The following REV3L variants were observed in gnomAD, a reference collection of about 807,000 sequenced individuals.
REV3L encodes the protein DNA polymerase zeta catalytic subunit.
REV3L carries 69 observed loss-of-function variants against 299.4 expected under a neutral mutation model. The observed-to-expected ratio is 0.23, with a 90% CI of 0.19 to 0.28. The LOEUF (loss-of-function observed/expected upper bound fraction) is 0.28, where lower values mean the gene tolerates loss of function less well. REV3L is among the 10% of genes least tolerant of loss of function. REV3L has a pLI of 1.00. For synonymous variants in REV3L, 1,238 were observed against 1,271.4 expected, an observed-to-expected ratio of 0.97 and a Z score of 0.56; for missense variants, 3,128 against 3,693.8, an observed-to-expected ratio of 0.85 and a Z score of 3.97.
In REV3L at chr6:111,457,877, A is replaced by G. The variant is rs116433013; in HGVS notation, c.139+24873T>C. ...TCAGAGAAGACCAAACAAACCAACA[A>G]AAGAAAACAGACACATCACATTCAA... is the stretch of plus-strand genomic sequence containing the variant. On this transcript the variant is annotated intron_variant, in intron 1 of 31. Coordinates refer to ENST00000368802, the MANE Select transcript of REV3L (RefSeq NM_001372078.1). Among the ~76,000 whole-genome samples, 1,105 of 152,140 alleles carry G rather than the reference A, an allele frequency of 7.3e-3. 9 individuals are homozygous for G. Among genetic ancestry groups the G allele is most frequent in the African/African-American group, 0.024 (998 of 41,544 alleles).
intron 16 of REV3L, chr6:111,361,397 A>G (rs1778642842): frequency 7.2e-6 from 1 of 138,422 alleles, no homozygotes; most frequent in Non-Finnish European, 1.6e-5. Context: ...CAAAACAAAA[A>G]AAAACAAAAA....
intron 21 of REV3L, among the ~76,000 whole-genome samples, chr6:111,343,380 G>T (rs1014255129): frequency 6.6e-6 from 1 of 152,100 alleles, no homozygotes; most frequent in Non-Finnish European, 1.5e-5. Context: ...AATCCAATTA[G>T]TAATTATCTA....
At position 111,372,648 on chromosome 6, in the gene REV3L, T is replaced by C. The variant is rs1186209848; in HGVS notation, c.5707A>G (p.Ile1903Val). The C allele has an allele frequency of 6.6e-7, 1 of 1,521,772 alleles. No homozygotes were observed. Among genetic ancestry groups the C allele is most frequent in the African/African-American group, 1.4e-5 (1 of 71,864 alleles). The allele number at this position is 1,521,772 out of a possible 1,614,324, so 94.3% of individuals were successfully genotyped here. ...TTACTGCAAAATGGTTCCTGGTAAA[T>C]AGTCTCAGACAGGTCATGATCCAAC... ...TLLDHDLSET[I>V]YQEPFCSNPS... The change falls in exon 13 of 32, where the codon ATT becomes GTT. Residue 1903 changes from isoleucine to valine, a missense_variant. Around this residue, in one of 9 missense-constraint regions of REV3L, gnomAD observed 2,409 missense variants for 2,611.8 expected, o/e 0.92. Coordinates refer to ENST00000368802, the MANE Select transcript of REV3L (RefSeq NM_001372078.1).
At chr6:111,452,884 T>C (rs571244968) in intron 1 of REV3L, among the ~76,000 whole-genome samples, 32 of 152,118 alleles carry the variant, frequency 2.1e-4, no homozygotes, top group Non-Finnish European at 4.1e-4. Flanking sequence ...TATCAACACC[T>C]GACAGAAAAT....
In REV3L at chr6:111,359,982, C is replaced by T. The variant is rs1778483653; in HGVS notation, c.6880-968G>A. Among the ~76,000 whole-genome samples, 8 of 152,176 alleles carry T rather than the reference C, an allele frequency of 5.3e-5. No homozygotes were observed. The South Asian group carries it at 1.7e-3, about 32-fold the overall frequency. ...ATTAAAATCCATTGATGTGGCAATCCTACTCCTGAAAATTTATCCTAGAGA... is the reference window on the plus strand; with the variant it reads ...ATTAAAATCCATTGATGTGGCAATCTTACTCCTGAAAATTTATCCTAGAGA... On this transcript the variant is annotated intron_variant, in intron 16 of 31. Transcript: ENST00000368802.
At chr6:111,392,416 C>A (rs1484499514) in intron 5 of REV3L, among the ~76,000 whole-genome samples, 1 of 152,020 alleles carries the variant, frequency 6.6e-6, no homozygotes, top group African/African-American at 2.4e-5. Flanking sequence ...AAAATCTAAT[C>A]AATAATGAAA....
At chr6:111,422,712 T>C (rs1785716405) in intron 1 of REV3L, among the ~76,000 whole-genome samples, 1 of 134,554 alleles carries the variant, frequency 7.4e-6, no homozygotes, top group Non-Finnish European at 1.6e-5. Context: ...TTCCCCCCAC[T>C]AAATATACAA....
chr6:111,391,284 T>A (rs909748299), intron 5 of REV3L, among the ~76,000 whole-genome samples: 1 of 152,144 alleles, frequency 6.6e-6, no homozygotes, highest in African/African-American at 2.4e-5. Flanking sequence ...CAGGCTGGTC[T>A]TGAACTCCTG....
chr6:111,321,542 TTGA>T (rs1436313786), intron 26 of REV3L, among the ~76,000 whole-genome samples: 1 of 152,198 alleles, frequency 6.6e-6, no homozygotes, highest in Non-Finnish European at 1.5e-5. Context: ...GAAGTGGCTT[TTGA>T]TGAGCAACAG....
chr6:111,321,124 G>A lies in REV3L; in HGVS notation c.8351+1445C>T, dbSNP rs987778029. On this transcript the variant is annotated intron_variant, in intron 26 of 31. Transcript: ENST00000368802. ...ATTTATGGCTCTTTACTGACTAGTTGCAAGATCTTAAATTTCTTATCCTAG... is the reference window on the plus strand; with the variant it reads ...ATTTATGGCTCTTTACTGACTAGTTACAAGATCTTAAATTTCTTATCCTAG... 2.8e-5 allele frequency among the ~76,000 whole-genome samples: 4 copies of A among 142,018 alleles called. No individual in the cohort carries two copies. The East Asian group carries it at 7.7e-4, about 27-fold the overall frequency. The allele number at this position is 142,018 out of a possible 152,430, so 93.2% of individuals were successfully genotyped here. A position where few individuals can be genotyped will look rare whatever the true frequency, so the allele number is the denominator to read the frequency against.
rs1023786824 is a variant in REV3L at position 111,382,614 on chromosome 6, A to G, written c.1097-1170T>C. Among the ~76,000 whole-genome samples the G allele has an allele frequency of 8.5e-5, 13 of 152,308 alleles. No individual in the cohort carries two copies. In the East Asian group the frequency reaches 1.5e-3, roughly 18 times the overall value. On this transcript the variant is annotated intron_variant, in intron 9 of 31. Coordinates refer to ENST00000368802, the MANE Select transcript of REV3L (RefSeq NM_001372078.1). ...CTGAGTTGCAGCCAGCCTTACTACT[A>G]TGGGCTAAAGTGCTTTGGGATCCTA...
chr6:111,311,366 C>T (rs1406874899), intron 28 of REV3L, 107 bp from the exon 29 acceptor site: 9 of 678,886 alleles, frequency 1.3e-5, no homozygotes, highest in Non-Finnish European at 2.1e-5. Flanking sequence ...TGCTAACCTA[C>T]CTAAATAATC....
chr6:111,475,022 C>CAT (rs988997323), intron 1 of REV3L, among the ~76,000 whole-genome samples: 1 of 142,548 alleles, frequency 7.0e-6, no homozygotes. Context: ...CACACACACA[C>CAT]ATATGGATTT....
chr6:111,419,246 T>C (rs1785066605), intron 1 of REV3L, among the ~76,000 whole-genome samples: 1 of 152,182 alleles, frequency 6.6e-6, no homozygotes, highest in African/African-American at 2.4e-5. Flanking sequence ...CAAGGAATTC[T>C]TGGCATAGCA....
chr6:111,432,102 G>GA (rs1229052139), intron 1 of REV3L, among the ~76,000 whole-genome samples: 5 of 152,038 alleles, frequency 3.3e-5, no homozygotes, highest in African/African-American at 9.7e-5. Flanking sequence ...TACTACCAGA[G>GA]AAAATCTCTT....
At chr6:111,424,655 T>C (rs1405873056) in intron 1 of REV3L, among the ~76,000 whole-genome samples, 2 of 152,160 alleles carry the variant, frequency 1.3e-5, no homozygotes, top group Non-Finnish European at 2.9e-5. Context: ...CGGAACCCAT[T>C]TGGAGCTCCT....
Position 111,358,729 on chromosome 6 carries a change from G to T in REV3L, c.7072+93C>A, listed in dbSNP as rs1322568159. 7.3e-6 allele frequency: 7 copies of T among 953,190 alleles called. No individual in the cohort carries two copies. In the African/African-American group the frequency reaches 1.1e-4, roughly 16 times the overall value. 59.0% of individuals were successfully genotyped at this position (953,190 alleles called of 1,614,324 possible). A position where few individuals can be genotyped will look rare whatever the true frequency, so the allele number is the denominator to read the frequency against. On this transcript the variant is annotated intron_variant, in intron 17 of 31. Coordinates refer to ENST00000368802, the MANE Select transcript of REV3L (RefSeq NM_001372078.1). ...AAACATTTTAGAAAAGAGTCATCATGCTTGCTTAGATTAGATCTTCAGCAC... is the reference window on the plus strand; with the variant it reads ...AAACATTTTAGAAAAGAGTCATCATTCTTGCTTAGATTAGATCTTCAGCAC...
intron 1 of REV3L, among the ~76,000 whole-genome samples, chr6:111,477,660 G>A (rs1793100030): frequency 6.6e-6 from 1 of 152,176 alleles, no homozygotes. Flanking sequence ...GTAAGGGCCA[G>A]ACTATGCAAG....
chr6:111,369,281 C>CAAAAAA, intron 13 of REV3L, among the ~76,000 whole-genome samples: 1 of 68,134 alleles, frequency 1.5e-5, no homozygotes, highest in South Asian at 5.8e-4. Context: ...GACTCTGTCT[C>CAAAAAA]AAAAAAAAAA....
Sources: allele counts gnomAD v4.1 joint callset (sites outside exome capture counted in the v4.1 genomes callset), GRCh38; gene constraint gnomAD v4.1.1; regional missense constraint gnomAD v4.1.1; transcripts MANE v1.5; gene names NCBI Gene and HGNC (gene_info 2026-07-23, HGNC 2026-07-21).